Variants in GRK5 observed in about 807,000 individuals in gnomAD.
GRK5 encodes the protein g protein-coupled receptor kinase GRK5.
GRK5 carries 40 observed loss-of-function variants against 78.4 expected under a neutral mutation model. The observed-to-expected ratio is 0.51, with a 90% CI of 0.40 to 0.66. The LOEUF is 0.66. GRK5 is among the 30% of genes least tolerant of loss of function. The probability of loss-of-function intolerance (pLI) is 0.00; values close to 1 mark genes in which losing one functional copy is unlikely to be tolerated. For synonymous variants in GRK5, 289 were observed against 296.8 expected (o/e 0.97, Z 0.27); for missense variants, 598 against 759.9 (o/e 0.79, Z 2.50).
chr10:119,444,650 C>G (rs11198928), intron 12 of GRK5, among the ~76,000 whole-genome samples: 1 of 152,106 alleles, frequency 6.6e-6, no homozygotes, highest in East Asian at 1.9e-4. Context: ...CAGGAGGGGC[C>G]GGAGCACCCA....
chr10:119,207,654 G>A lies in GRK5; in HGVS notation c.-264G>A. On this transcript the variant is annotated 5_prime_UTR_variant, in exon 1 of 16. Coordinates refer to ENST00000392870, the MANE Select transcript of GRK5 (RefSeq NM_005308.3). ...CAGAGACACGCGGAGGGTGGGGGGT[G>A]GGGGGGAGCGTGTTGAGGGAGGGGG... 1 of 392,708 alleles carries A rather than the reference G, an allele frequency of 2.5e-6. No homozygotes were observed. The highest frequency in any genetic ancestry group is 2.4e-5 in the South Asian group (1 of 41,088). The allele number at this position is 392,708 out of a possible 1,614,324, so 24.3% of individuals were successfully genotyped here. A position where few individuals can be genotyped will look rare whatever the true frequency, so the allele number is the denominator to read the frequency against.
At chr10:119,339,308 G>A (rs919066714) in intron 2 of GRK5, among the ~76,000 whole-genome samples, 30 of 152,228 alleles carry the variant, frequency 2.0e-4, no homozygotes, top group African/African-American at 6.8e-4. Context: ...CAGCCTGAGC[G>A]TGACAGCGTT....
chr10:119,341,682 CTG>C (rs1274540945), intron 2 of GRK5, among the ~76,000 whole-genome samples: 1 of 152,062 alleles, frequency 6.6e-6, no homozygotes, highest in African/African-American at 2.4e-5. Flanking sequence ...GTCTGCCTGA[CTG>C]TGTTTTGCCA....
chr10:119,398,629 T>C (rs2133856508), intron 4 of GRK5, among the ~76,000 whole-genome samples: 1 of 152,372 alleles, frequency 6.6e-6, no homozygotes, highest in Non-Finnish European at 1.5e-5. Context: ...GGACTCCTTG[T>C]GTCAGGCACC....
chr10:119,404,023 CATTGGGGTATA>C (rs564615494), intron 4 of GRK5, among the ~76,000 whole-genome samples: 118 of 152,288 alleles, frequency 7.7e-4, no homozygotes, highest in African/African-American at 2.7e-3. Context: ...AGACATGTTT[CATTGGGGTATA>C]TACATAGGAG....
At chr10:119,251,140 A>G (rs1247921305) in intron 1 of GRK5, among the ~76,000 whole-genome samples, 2 of 152,136 alleles carry the variant, frequency 1.3e-5, no homozygotes, top group African/African-American at 2.4e-5. Flanking sequence ...AGAAACAACA[A>G]CAAAACGCTG....
intron 1 of GRK5, among the ~76,000 whole-genome samples, chr10:119,247,828 A>C (rs1319767819): frequency 6.6e-6 from 1 of 152,158 alleles, no homozygotes; most frequent in Non-Finnish European, 1.5e-5. Context: ...TAATAGAAGG[A>C]TGCATTTGGG....
chr10:119,394,371 GGTGTCGGTGTGTGTATCT>G (rs1851977114), intron 3 of GRK5, among the ~76,000 whole-genome samples: 1 of 79,148 alleles, frequency 1.3e-5, no homozygotes, highest in Non-Finnish European at 2.8e-5. Flanking sequence ...GGTGTGTGTG[GGTGTCGGTGTGTGTATCT>G]GTGTCTGTGT....
intron 1 of GRK5, among the ~76,000 whole-genome samples, chr10:119,265,347 A>G (rs1371166967): frequency 6.6e-6 from 1 of 152,190 alleles, no homozygotes; most frequent in East Asian, 1.9e-4. Context: ...AGTTGGTGCT[A>G]TGGGCCTAAT....
Position 119,441,996 on chromosome 10 carries a change from C to T in GRK5, c.968-3C>T. 6.2e-7 allele frequency: 1 copy of T among 1,613,644 alleles called. No individual in the cohort carries two copies. The highest frequency in any genetic ancestry group is 1.3e-5 in the African/African-American group (1 of 75,056). ...GACCCACTGACCCTGCTGTCCCCCT[C>T]AGGCCACATTAGGATCTCAGACCTG... On this transcript the variant is annotated splice_polypyrimidine_tract_variant and splice_region_variant and intron_variant, in intron 10 of 15. Transcript: ENST00000392870.
At chr10:119,231,271 A>G (rs1013473682) in intron 1 of GRK5, among the ~76,000 whole-genome samples, 1 of 152,194 alleles carries the variant, frequency 6.6e-6, no homozygotes, top group South Asian at 2.1e-4. Context: ...CTGGACAGAC[A>G]TTTCTCAAAA....
rs1259142687 is a variant in GRK5 at position 119,412,745 on chromosome 10, T to C, written c.340-10421T>C. Among the ~76,000 whole-genome samples the C allele has an allele frequency of 6.6e-6, 1 of 152,232 alleles. No homozygotes were observed. The highest frequency in any genetic ancestry group is 1.5e-5 in the Non-Finnish European group (1 of 68,032). The stretch of plus-strand genomic sequence containing the variant: ...AACCCTCAAGTGAGGAAATGCTCTC[T>C]GCGCCTGCTGCTCAGCAAACCTTTT... On this transcript the variant is annotated intron_variant, in intron 4 of 15. Transcript: ENST00000392870. This position sits in a 1 kb window ranked among gnomAD's most constrained non-coding sequence, Gnocchi z 4.3.
At chr10:119,342,220 G>C (rs1259630428) in intron 2 of GRK5, among the ~76,000 whole-genome samples, 2 of 152,248 alleles carry the variant, frequency 1.3e-5, no homozygotes, top group East Asian at 3.8e-4. Flanking sequence ...GCCTTGGAGT[G>C]CTGAACAGCT....
intron 1 of GRK5, among the ~76,000 whole-genome samples, chr10:119,289,815 C>G (rs560893842): frequency 6.6e-6 from 1 of 152,282 alleles, no homozygotes; most frequent in South Asian, 2.1e-4. Flanking sequence ...TAACCATGTT[C>G]TTTGTTCAGC....
chr10:119,435,156 G>C (rs543503644), intron 8 of GRK5, among the ~76,000 whole-genome samples: 1 of 152,344 alleles, frequency 6.6e-6, no homozygotes, highest in East Asian at 1.9e-4. Flanking sequence ...TTTCCTCCTA[G>C]GCCCCTGGGC....
chr10:119,453,459 C>T (rs2133921989), intron 15 of GRK5, among the ~76,000 whole-genome samples, 183 bp downstream of exon 15: 1 of 152,278 alleles, frequency 6.6e-6, no homozygotes, highest in Admixed American at 6.5e-5. Flanking sequence ...TGATGGGATC[C>T]CCGGGGAGAA....
chr10:119,299,341 G>T (rs1355633552), intron 1 of GRK5, among the ~76,000 whole-genome samples: 4 of 151,112 alleles, frequency 2.6e-5, no homozygotes, highest in Non-Finnish European at 4.4e-5. Context: ...GCTGAGGCAG[G>T]AAAATCGCTT....
intron 1 of GRK5, among the ~76,000 whole-genome samples, chr10:119,295,956 T>G (rs991392202): frequency 1.3e-5 from 2 of 151,818 alleles, no homozygotes; most frequent in African/African-American, 4.8e-5. Context: ...TTAAAAATAA[T>G]AATAAAAAAA....
intron 1 of GRK5, among the ~76,000 whole-genome samples, chr10:119,310,372 C>A (rs1451100619): frequency 6.6e-6 from 1 of 152,110 alleles, no homozygotes; most frequent in African/African-American, 2.4e-5. Flanking sequence ...CTTTCTCTTC[C>A]CCTTCAACCC....
Sources: gnomAD v4.1 joint callset for allele counts (sites outside exome capture counted in the v4.1 genomes callset) on GRCh38, gnomAD v4.1.1 for gene constraint, Gnocchi (gnomAD v3.1) non-coding constraint, MANE v1.5 for transcripts, NCBI Gene and HGNC (gene_info 2026-07-23, HGNC 2026-07-21) for gene names.